The following KCNB2 variants were observed in gnomAD, a reference collection of about 807,000 sequenced individuals.
The protein encoded by KCNB2 is delayed rectifier potassium channel protein.
A neutral mutation model predicts 61.5 loss-of-function variants in KCNB2; 15 were observed. The observed-to-expected ratio is 0.24, with a 90% confidence interval of 0.16 to 0.38. The LOEUF (loss-of-function observed/expected upper bound fraction) is 0.38. Ranked by LOEUF, KCNB2 falls within the 10% of genes least tolerant of loss-of-function variation. KCNB2 has a pLI of 1.00. For synonymous variants in KCNB2, 457 were observed against 446.0 expected, an observed-to-expected ratio of 1.02 and a Z score of -0.31; for missense variants, 828 against 1,125.2, an observed-to-expected ratio of 0.74 and a Z score of 3.78.
intron 2 of KCNB2, among the ~76,000 whole-genome samples, chr8:72,708,698 A>T (rs1460298936): frequency 6.6e-6 from 1 of 152,194 alleles, no homozygotes; most frequent in Non-Finnish European, 1.5e-5. Context: ...CTCAGCCAAG[A>T]ATCAAATGCA....
At chr8:72,870,272 C>T (rs536541932) in intron 2 of KCNB2, among the ~76,000 whole-genome samples, 3 of 152,068 alleles carry the variant, frequency 2.0e-5, no homozygotes, top group Non-Finnish European at 4.4e-5. Context: ...CTGTGTACAA[C>T]GTGGTGCCTA....
chr8:72,667,150 T>G (rs1806489620), intron 2 of KCNB2, among the ~76,000 whole-genome samples: 1 of 152,196 alleles, frequency 6.6e-6, no homozygotes, highest in Admixed American at 6.5e-5. Context: ...GATAAGCACC[T>G]GGCAGAGTCT....
intron 2 of KCNB2, among the ~76,000 whole-genome samples, chr8:72,900,106 G>A (rs976894108): frequency 6.6e-6 from 1 of 152,016 alleles, no homozygotes; most frequent in African/African-American, 2.4e-5. Context: ...TATACTACAA[G>A]GCTGCAGTAA....
chr8:72,696,663 A>C (rs369098274), intron 2 of KCNB2, among the ~76,000 whole-genome samples: 1 of 152,288 alleles, frequency 6.6e-6, no homozygotes, highest in African/African-American at 2.4e-5. Context: ...AAGGATCTTC[A>C]GAAACAGCCC....
chr8:72,560,839 A>T (rs1806499694), intron 1 of KCNB2, among the ~76,000 whole-genome samples: 2 of 151,936 alleles, frequency 1.3e-5, no homozygotes, highest in South Asian at 4.1e-4. Context: ...TATGTTTTAT[A>T]AAAGGCCATT....
intron 2 of KCNB2, among the ~76,000 whole-genome samples, chr8:72,605,153 G>A (rs754947724): frequency 2.0e-5 from 3 of 152,220 alleles, no homozygotes; most frequent in African/African-American, 4.8e-5. Context: ...ATAGAAGTAC[G>A]CTGTAAAAAG....
intron 2 of KCNB2, among the ~76,000 whole-genome samples, chr8:72,678,642 C>T (rs1806702233): frequency 6.6e-6 from 1 of 152,220 alleles, no homozygotes; most frequent in African/African-American, 2.4e-5. Context: ...CCTAGTTATT[C>T]TCTATCCTTC....
intron 2 of KCNB2, among the ~76,000 whole-genome samples, chr8:72,869,862 A>G (rs908164058): frequency 1.3e-5 from 2 of 152,194 alleles, no homozygotes; most frequent in African/African-American, 2.4e-5. Context: ...AAGAATTAAA[A>G]TCAGGATTTC....
intron 2 of KCNB2, among the ~76,000 whole-genome samples, chr8:72,929,241 A>G (rs930472884): frequency 6.6e-6 from 1 of 152,140 alleles, no homozygotes. Flanking sequence ...TTATCTTCAA[A>G]GGACTAAAAT....
At chr8:72,929,385 G>A (rs886336574) in intron 2 of KCNB2, among the ~76,000 whole-genome samples, 1 of 152,156 alleles carries the variant, frequency 6.6e-6, no homozygotes, top group Admixed American at 6.5e-5. Flanking sequence ...GTGATCCTGC[G>A]TATGTCTGTG....
chr8:72,770,539 A>G (rs1244698183), intron 2 of KCNB2, among the ~76,000 whole-genome samples: 3 of 152,354 alleles, frequency 2.0e-5, no homozygotes, highest in Middle Eastern at 3.4e-3. Context: ...GTATTGGAGC[A>G]TGGTCATGCT....
At chr8:72,807,647 C>T (rs533976722) in intron 2 of KCNB2, among the ~76,000 whole-genome samples, 4 of 152,244 alleles carry the variant, frequency 2.6e-5, no homozygotes, top group African/African-American at 4.8e-5. Context: ...CTCACTGTGT[C>T]CCAAAAAACT....
chr8:72,614,122 T>A (rs1298604591), intron 2 of KCNB2, among the ~76,000 whole-genome samples: 1 of 152,184 alleles, frequency 6.6e-6, no homozygotes, highest in Non-Finnish European at 1.5e-5. Context: ...AAGAGTGTAA[T>A]GTACAATCTG....
chr8:72,723,529 T>C (rs1807585416), intron 2 of KCNB2, among the ~76,000 whole-genome samples: 1 of 152,192 alleles, frequency 6.6e-6, no homozygotes, highest in Admixed American at 6.5e-5. Flanking sequence ...GTGATTGTCC[T>C]CTTGGCCTCC....
chr8:72,673,316 C>A (rs776224330), intron 2 of KCNB2, among the ~76,000 whole-genome samples: 1 of 152,102 alleles, frequency 6.6e-6, no homozygotes, highest in African/African-American at 2.4e-5. Flanking sequence ...AGCAGTTTCC[C>A]CCGTCCTGTT....
chr8:72,839,599 C>CTTTTTTTTTTTTT (rs10561095), intron 2 of KCNB2, among the ~76,000 whole-genome samples: 2 of 87,658 alleles, frequency 2.3e-5, no homozygotes, highest in African/African-American at 9.8e-5. Context: ...TGAAAGGCTT[C>CTTTTTTTTTTTTT]TTTTTTTTTT....
At chr8:72,642,896 G>A (rs1806078338) in intron 2 of KCNB2, among the ~76,000 whole-genome samples, 1 of 152,140 alleles carries the variant, frequency 6.6e-6, no homozygotes, top group African/African-American at 2.4e-5. Context: ...CCAGAGTATA[G>A]AGGACTTGAA....
At chr8:72,635,533 G>A (rs933295804) in intron 2 of KCNB2, among the ~76,000 whole-genome samples, 32 of 152,134 alleles carry the variant, frequency 2.1e-4, no homozygotes, top group African/African-American at 6.5e-4. Context: ...AGAGTGCCCC[G>A]TCTCTGCTGC....
At chr8:72,695,735 A>G (rs1807008209) in intron 2 of KCNB2, among the ~76,000 whole-genome samples, 1 of 152,126 alleles carries the variant, frequency 6.6e-6, no homozygotes, top group South Asian at 2.1e-4. Flanking sequence ...TCACCTCATC[A>G]AATGTATTTC....
Sources: gnomAD v4.1 joint callset for allele counts (sites outside exome capture counted in the v4.1 genomes callset) on GRCh38, gnomAD v4.1.1 for gene constraint, MANE v1.5 for transcripts, NCBI Gene and HGNC (gene_info 2026-07-23, HGNC 2026-07-21) for gene names.